The following CNTNAP2 variants were observed in gnomAD, a reference collection of about 807,000 sequenced individuals.
The protein encoded by CNTNAP2 is contactin-associated protein-like 2.
In CNTNAP2, 98 loss-of-function variants were observed where a neutral mutation model predicts 155.2. The observed-to-expected ratio is 0.63, with a 90% CI of 0.54 to 0.75. The LOEUF is 0.75. CNTNAP2 is among the 30% of genes least tolerant of loss of function. CNTNAP2 has a pLI of 0.00. For missense variants in CNTNAP2, 1,727 were observed against 1,688.1 expected (o/e 1.02, Z -0.40); for synonymous variants, 651 against 631.2 (o/e 1.03, Z -0.47).
chr7:146,496,872 A>C (rs10952645), intron 1 of CNTNAP2, among the ~76,000 whole-genome samples: 2 of 152,034 alleles, frequency 1.3e-5, no homozygotes, highest in Admixed American at 1.3e-4. Flanking sequence ...TAAATCATCC[A>C]ACTGCAGAGC....
intron 1 of CNTNAP2, among the ~76,000 whole-genome samples, chr7:146,638,313 T>G (rs1276539115): frequency 1.3e-5 from 2 of 151,978 alleles, no homozygotes; most frequent in African/African-American, 4.8e-5. Flanking sequence ...GACCTCCAGT[T>G]TGTTGGACAA....
chr7:147,481,501 C>T (rs1190462834), intron 10 of CNTNAP2, among the ~76,000 whole-genome samples: 1 of 152,190 alleles, frequency 6.6e-6, no homozygotes, highest in Non-Finnish European at 1.5e-5. Context: ...TCTAACCAGC[C>T]ACTCTGTCCA....
intron 3 of CNTNAP2, among the ~76,000 whole-genome samples, chr7:146,934,586 C>T (rs1796870452): frequency 1.3e-5 from 2 of 151,930 alleles, no homozygotes; most frequent in Non-Finnish European, 2.9e-5. Flanking sequence ...TACCATAAAA[C>T]TTTAATAATA....
At chr7:146,651,939 A>T (rs971550399) in intron 1 of CNTNAP2, among the ~76,000 whole-genome samples, 1 of 152,182 alleles carries the variant, frequency 6.6e-6, no homozygotes, top group African/African-American at 2.4e-5. Flanking sequence ...GGCTTATATT[A>T]TGATAGGCTG....
chr7:147,567,561 G>C (rs931852645), intron 12 of CNTNAP2, among the ~76,000 whole-genome samples: 82 of 152,258 alleles, frequency 5.4e-4, no homozygotes, highest in African/African-American at 1.9e-3. Context: ...AAGTAAAAGA[G>C]GAGGAGATTG....
At chr7:148,373,421 C>G (rs1452851498) in intron 21 of CNTNAP2, among the ~76,000 whole-genome samples, 1 of 152,150 alleles carries the variant, frequency 6.6e-6, no homozygotes, top group African/African-American at 2.4e-5. Context: ...TGCCACTGCA[C>G]TCCAGCCTGG....
intron 1 of CNTNAP2, among the ~76,000 whole-genome samples, chr7:146,306,693 A>G (rs922328824): frequency 2.0e-5 from 3 of 152,204 alleles, no homozygotes; most frequent in African/African-American, 7.2e-5. Context: ...CAAATCAATA[A>G]ATGTAATCCA....
chr7:147,082,370 T>C (rs922948039), intron 4 of CNTNAP2, among the ~76,000 whole-genome samples: 1 of 152,316 alleles, frequency 6.6e-6, no homozygotes, highest in African/African-American at 2.4e-5. Context: ...TACTTGTTAC[T>C]GAGAACAGAG....
At chr7:147,351,356 G>C (rs1795965716) in intron 9 of CNTNAP2, among the ~76,000 whole-genome samples, 1 of 151,468 alleles carries the variant, frequency 6.6e-6, no homozygotes, top group Admixed American at 6.6e-5. Context: ...TTCATATGCA[G>C]CTCCTGGAAT....
chr7:147,353,470 A>C (rs1796004502), intron 9 of CNTNAP2, among the ~76,000 whole-genome samples: 1 of 152,096 alleles, frequency 6.6e-6, no homozygotes, highest in Admixed American at 6.6e-5. Context: ...TGCAAAGGAC[A>C]TGAACCCATC....
intron 1 of CNTNAP2, among the ~76,000 whole-genome samples, chr7:146,521,889 C>T (rs542898875): frequency 2.0e-5 from 3 of 151,998 alleles, no homozygotes; most frequent in South Asian, 2.1e-4. Context: ...GCTTTAATTC[C>T]GCCTAGTGTT....
chr7:147,898,510 C>G (rs1467656819), intron 13 of CNTNAP2, among the ~76,000 whole-genome samples: 1 of 150,678 alleles, frequency 6.6e-6, no homozygotes, highest in African/African-American at 2.4e-5. Context: ...GAATTTTAAC[C>G]CATATACCCA....
At chr7:146,464,363 G>A (rs1011921155) in intron 1 of CNTNAP2, among the ~76,000 whole-genome samples, 1 of 151,922 alleles carries the variant, frequency 6.6e-6, no homozygotes, top group African/African-American at 2.4e-5. Flanking sequence ...CTCAGTGATG[G>A]CAGAAGAAAT....
At chr7:148,365,159 C>T (rs948788639) in intron 21 of CNTNAP2, among the ~76,000 whole-genome samples, 3 of 152,166 alleles carry the variant, frequency 2.0e-5, no homozygotes, top group Non-Finnish European at 4.4e-5. Context: ...TCAGAGTGGC[C>T]TTCCCTGCTC....
chr7:147,264,976 CA>C (rs1804574220), intron 8 of CNTNAP2, among the ~76,000 whole-genome samples: 1 of 151,948 alleles, frequency 6.6e-6, no homozygotes, highest in South Asian at 2.1e-4. Context: ...CTGCGAAGTT[CA>C]ATAGGTAGAC....
chr7:148,089,282 A>G (rs972954694), intron 15 of CNTNAP2, among the ~76,000 whole-genome samples: 1 of 152,060 alleles, frequency 6.6e-6, no homozygotes, highest in Non-Finnish European at 1.5e-5. Context: ...TTTATTCAAC[A>G]TAGTACTAGA....
At chr7:147,428,073 A>G (rs1429911700) in intron 10 of CNTNAP2, among the ~76,000 whole-genome samples, 3 of 152,162 alleles carry the variant, frequency 2.0e-5, no homozygotes, top group Admixed American at 2.0e-4. Context: ...GTAAATGTAG[A>G]TTTAGTTGGC....
intron 8 of CNTNAP2, among the ~76,000 whole-genome samples, chr7:147,153,251 A>C (rs1364901378): frequency 6.6e-6 from 1 of 152,178 alleles, no homozygotes; most frequent in Non-Finnish European, 1.5e-5. Context: ...TTGGGGAACA[A>C]AAAGCTTTCT....
At chr7:146,927,439 A>G (rs1796630338) in intron 3 of CNTNAP2, among the ~76,000 whole-genome samples, 1 of 152,112 alleles carries the variant, frequency 6.6e-6, no homozygotes, top group Non-Finnish European at 1.5e-5. Context: ...AGAAATATAT[A>G]TAATGATATT....
Sources: gnomAD v4.1 joint callset for allele counts (sites outside exome capture counted in the v4.1 genomes callset) on GRCh38, gnomAD v4.1.1 for gene constraint, MANE v1.5 for transcripts, NCBI Gene and HGNC (gene_info 2026-07-23, HGNC 2026-07-21) for gene names.